HLA-DPA1: variants seen among roughly 807,000 people sequenced by gnomAD.
HLA-DPA1 encodes HLA class II histocompatibility antigen, DP alpha 1 chain.
Under a neutral mutation model 21.5 loss-of-function variants are expected in HLA-DPA1, and 20 were observed. The observed-to-expected ratio is 0.93, with a 90% confidence interval of 0.66 to 1.35. The LOEUF (loss-of-function observed/expected upper bound fraction) is 1.35, where lower values mean the gene tolerates loss of function less well. Among genes scored for constraint, HLA-DPA1 ranks in the 40% most tolerant of loss-of-function variants. The pLI, the probability that HLA-DPA1 is intolerant of heterozygous loss-of-function variation, is 0.00. For synonymous variants in HLA-DPA1, 123 were observed against 129.6 expected, an observed-to-expected ratio of 0.95 and a Z score of 0.35; for missense variants, 279 against 323.0, an observed-to-expected ratio of 0.86 and a Z score of 1.05.
rs139707663 is a variant in HLA-DPA1, at chr6:33,075,125, A to T, written c.-99-1456T>A. Among the ~76,000 whole-genome samples, 542 of 152,312 alleles carry T rather than the reference A, an allele frequency of 3.6e-3. 3 individuals carry two copies. The highest frequency in any genetic ancestry group is 0.026 in the East Asian group (133 of 5,194). On this transcript the variant is annotated intron_variant, in intron 1 of 5. Transcript: ENST00000419277. ...AAAATAGAATCAGATGCTTTGAAGGAGGTGGGGTCTTTGATGATTTTTTTT... is the reference window on the plus strand; with the variant it reads ...AAAATAGAATCAGATGCTTTGAAGGTGGTGGGGTCTTTGATGATTTTTTTT...
intron 1 of HLA-DPA1, among the ~76,000 whole-genome samples, chr6:33,074,588 T>C (rs1420949706): frequency 6.6e-6 from 1 of 152,230 alleles, no homozygotes; most frequent in Non-Finnish European, 1.5e-5. Flanking sequence ...ATGAAGTACA[T>C]ATATTACGTT....
intron 1 of HLA-DPA1, among the ~76,000 whole-genome samples, chr6:33,074,821 A>G (rs9296074): frequency 0.08 from 12,243 of 152,222 alleles, 1,357 homozygotes; most frequent in East Asian, 0.54. Context: ...TGACAAGGAG[A>G]AAAGTCCCAC....
rs753289265 is a variant in HLA-DPA1, at chr6:33,069,044, C to G, written c.603G>C (p.Leu201Phe). The G allele has an allele frequency of 3.7e-6, 6 of 1,612,936 alleles. No homozygotes were observed. In the East Asian group the frequency reaches 1.3e-4, roughly 36 times the overall value. ...CCCAGTGCTTGAGGAGCGGCTGGTC[C>G]AAGCCCCAGTGCTCCACCCTGCAGT... is the stretch of plus-strand genomic sequence containing the variant. The change falls in exon 4 of 6, where the codon TTG (leucine) becomes TTC (phenylalanine). Residue 201 changes from leucine to phenylalanine, a missense_variant. By Grantham distance (22) the Leu-to-Phe change is conservative. Coordinates refer to ENST00000419277, the Ensembl canonical transcript of HLA-DPA1.
chr6:33,070,119 A>T (rs1027860797), intron 2 of HLA-DPA1, among the ~76,000 whole-genome samples: 2 of 152,264 alleles, frequency 1.3e-5, no homozygotes, highest in African/African-American at 4.8e-5. Context: ...TATCACTGAT[A>T]AGTCAAGCTG....
intron 2 of HLA-DPA1, among the ~76,000 whole-genome samples, 163 bp from the exon 2 acceptor site, chr6:33,070,049 A>G (rs116285010): frequency 1.3e-5 from 2 of 152,340 alleles, no homozygotes; most frequent in African/African-American, 4.8e-5. Flanking sequence ...CATAAAGGAA[A>G]TAATACAGAG....
intron 1 of HLA-DPA1, chr6:33,079,598 A>C: frequency 4.5e-6 from 2 of 448,566 alleles, no homozygotes; most frequent in Non-Finnish European, 8.7e-6. Context: ...TAGAAGGTCC[A>C]AGGGCCAGAT....
chr6:33,065,425 C>T (rs34320499), intron 5 of HLA-DPA1, 78 bp from the exon 5 acceptor site: 43,967 of 152,240 alleles, frequency 0.29, 8,399 homozygotes, highest in East Asian at 0.69. Flanking sequence ...ACTCCCTTTG[C>T]ACCCGAGCTT....
exon 3 of HLA-DPA1, chr6:33,069,654 A>C: frequency 6.2e-7 from 1 of 1,612,284 alleles, no homozygotes; most frequent in Non-Finnish European, 8.5e-7. Context: ...TGGTGGCCTG[A>C]GTGTGGTTGG....
At chr6:33,073,570 T>A in exon 2 of HLA-DPA1, 1 of 1,608,910 alleles carries the variant, frequency 6.2e-7, no homozygotes, top group Non-Finnish European at 8.5e-7. Flanking sequence ...TCAGGGCGCA[T>A]GTTGTGGGGT....
intron 1 of HLA-DPA1, among the ~76,000 whole-genome samples, chr6:33,079,207 G>A (rs1374542586): frequency 6.6e-6 from 1 of 152,222 alleles, no homozygotes; most frequent in East Asian, 1.9e-4. Context: ...AACAATCACA[G>A]CACCTTAATT....
intron 2 of HLA-DPA1, among the ~76,000 whole-genome samples, chr6:33,070,545 G>T (rs67463587): frequency 0.29 from 44,039 of 151,918 alleles, 8,427 homozygotes; most frequent in East Asian, 0.69. Flanking sequence ...CAAATTTTAG[G>T]GCTCTTGACA....
At position 33,071,808 on chromosome 6, in the gene HLA-DPA1, T is replaced by C. The variant is rs577269531; in HGVS notation, c.100+1663A>G. Among the ~76,000 whole-genome samples, 541 of 134,872 alleles carry C rather than the reference T, an allele frequency of 4.0e-3. 3 individuals carry two copies. The East Asian group carries it at 0.047, about 12-fold the overall frequency. 88.5% of individuals were successfully genotyped at this position (134,872 alleles called of 152,430 possible). On this transcript the variant is annotated intron_variant, in intron 2 of 5. Coordinates refer to ENST00000419277, the Ensembl canonical transcript of HLA-DPA1. ...CAGAAAACAGGGCAAAAGCCACTTC[T>C]CTCAGGGAAGACAGCCTGACCGGGA...
chr6:33,069,034 G>A, exon 4 of HLA-DPA1: 2 of 1,612,972 alleles, frequency 1.2e-6, no homozygotes, highest in Non-Finnish European at 1.7e-6. Flanking sequence ...TGCTTGAGGA[G>A]CGGCTGGTCC....
intron 2 of HLA-DPA1, 134 bp from the exon 2 acceptor site, chr6:33,070,020 GA>G: frequency 1.4e-6 from 1 of 723,356 alleles, no homozygotes; most frequent in South Asian, 1.9e-5. Flanking sequence ...GACATATGGG[GA>G]AGAAGAAGGA....
chr6:33,066,221 T>C (rs1346657252), intron 5 of HLA-DPA1: 1 of 152,196 alleles, frequency 6.6e-6, no homozygotes, highest in Non-Finnish European at 1.5e-5. Flanking sequence ...AATGTCATAG[T>C]AATCAAAATA....
At chr6:33,067,873 C>T (rs1210307783) in intron 5 of HLA-DPA1, 7 of 151,566 alleles carry the variant, frequency 4.6e-5, no homozygotes, top group South Asian at 2.1e-4. Flanking sequence ...AGAGAGAGCT[C>T]GGAGGCACCA....
intron 2 of HLA-DPA1, among the ~76,000 whole-genome samples, chr6:33,070,367 C>T (rs67408707): frequency 0.29 from 43,989 of 151,850 alleles, 8,394 homozygotes; most frequent in East Asian, 0.69. Context: ...CGGCTACTGG[C>T]GGAACTAGTA....
In HLA-DPA1 at chr6:33,069,668, G is replaced by A. The variant is rs113250404; in HGVS notation, c.319C>T (p.Arg107Cys). 65 of 1,612,440 alleles carry A rather than the reference G, an allele frequency of 4.0e-5. No individual in the cohort carries two copies. The African/African-American group carries it at 4.9e-4, about 12-fold the overall frequency. ...TTGGTGGCCTGAGTGTGGTTGGAAC[G>A]CTGGATCAAGGTATTCAAGTTGTTG... The change falls in exon 3 of 6, where the codon CGT (arginine) becomes TGT (cysteine). Residue 107 changes from arginine (R) to cysteine (C), a missense_variant. Arg to Cys is a radical substitution (Grantham distance 180). Transcript: ENST00000419277.
intron 1 of HLA-DPA1, among the ~76,000 whole-genome samples, chr6:33,074,380 C>A (rs1028653560): frequency 2.6e-5 from 4 of 151,996 alleles, no homozygotes; most frequent in Non-Finnish European, 5.9e-5. Context: ...TAACAATGTG[C>A]GCCCATATTT....
Sources: allele counts gnomAD v4.1 joint callset (sites outside exome capture counted in the v4.1 genomes callset), GRCh38; gene constraint gnomAD v4.1.1; transcripts MANE v1.5; gene names NCBI Gene and HGNC (gene_info 2026-07-23, HGNC 2026-07-21).